SOBP: variants seen among roughly 807,000 people sequenced by gnomAD.
The protein encoded by SOBP is sine oculis binding protein homolog.
SOBP carries 4 observed loss-of-function variants against 53.6 expected under a neutral mutation model. The observed-to-expected ratio is 0.07, with a 90% CI of 0.04 to 0.17. SOBP has a LOEUF of 0.17. Ranked by LOEUF, SOBP falls within the 10% of genes least tolerant of loss-of-function variation. The pLI is 1.00. For missense variants in SOBP, 1,088 were observed against 1,204.7 expected, an observed-to-expected ratio of 0.90 and a Z score of 1.43; for synonymous variants, 584 against 522.6, an observed-to-expected ratio of 1.12 and a Z score of -1.60.
At chr6:107,605,054 C>T (rs1786321644) in intron 5 of SOBP, among the ~76,000 whole-genome samples, 1 of 152,174 alleles carries the variant, frequency 6.6e-6, no homozygotes, top group Admixed American at 6.5e-5. Context: ...CTTCCTCCTC[C>T]CCCCTCCACT....
intron 5 of SOBP, among the ~76,000 whole-genome samples, chr6:107,623,374 C>T (rs182901033): frequency 3.9e-4 from 59 of 152,260 alleles, no homozygotes; most frequent in African/African-American, 1.4e-3. Flanking sequence ...GTATTTAGAG[C>T]AAGTCATGTA....
intron 3 of SOBP, among the ~76,000 whole-genome samples, chr6:107,520,999 G>A (rs1459686502): frequency 6.7e-6 from 1 of 149,908 alleles, no homozygotes; most frequent in Non-Finnish European, 1.5e-5. Flanking sequence ...GGGCTGTCCT[G>A]TGCATTGTAG....
chr6:107,633,796 G>C lies in SOBP; in HGVS notation c.952G>C (p.Ala318Pro). 6.2e-7 allele frequency: 1 copy of C among 1,614,160 alleles called. No homozygotes were observed. The highest frequency in any genetic ancestry group is 1.6e-4 in the Middle Eastern group (1 of 6,062). Reference sequence around the variant, plus strand: ...GAAGGCCCCCTCCCCGGTGGCTACAGCTGGCCAAAGCCAGGGCCCTGGCCC... The same window carrying C: ...GAAGGCCCCCTCCCCGGTGGCTACACCTGGCCAAAGCCAGGGCCCTGGCCC... ...RRKAPSPVAT[A>P]GQSQGPGPSA... Residue 318 changes from alanine to proline, a missense_variant, in exon 6 of 7, where the codon GCT becomes CCT. By Grantham distance (27) the Ala-to-Pro change is conservative. Coordinates refer to ENST00000317357, the MANE Select transcript of SOBP (RefSeq NM_018013.4).
intron 3 of SOBP, among the ~76,000 whole-genome samples, chr6:107,515,308 G>A (rs1408179257): frequency 2.6e-5 from 4 of 151,650 alleles, no homozygotes; most frequent in Non-Finnish European, 5.9e-5. Flanking sequence ...ACAAAGAAAA[G>A]AAGTTGGAGA....
chr6:107,658,081 C>T (rs571317830), intron 6 of SOBP, 126 bp from the exon 7 acceptor site: 3 of 153,002 alleles, frequency 2.0e-5, no homozygotes, highest in African/African-American at 7.2e-5. Flanking sequence ...TGGGGCTCAT[C>T]CTAGGTCTGC....
chr6:107,495,641 CT>C (rs1244477908), intron 1 of SOBP, among the ~76,000 whole-genome samples: 1 of 151,940 alleles, frequency 6.6e-6, no homozygotes, highest in Admixed American at 6.6e-5. Context: ...GAAAGACAGA[CT>C]TATAGAAACC....
At chr6:107,554,941 A>G (rs1177490719) in intron 4 of SOBP, among the ~76,000 whole-genome samples, 2 of 152,236 alleles carry the variant, frequency 1.3e-5, no homozygotes, top group Non-Finnish European at 2.9e-5. Context: ...CAAGTACAGC[A>G]GCATCCTTGT....
intron 1 of SOBP, among the ~76,000 whole-genome samples, chr6:107,491,349 C>G (rs1782576635): frequency 6.6e-6 from 1 of 152,216 alleles, no homozygotes; most frequent in Non-Finnish European, 1.5e-5. Context: ...CACTTCCCAG[C>G]CAAGCAGACC....
At chr6:107,570,225 C>A (rs1406357961) in intron 4 of SOBP, among the ~76,000 whole-genome samples, 1 of 152,136 alleles carries the variant, frequency 6.6e-6, no homozygotes, top group Admixed American at 6.5e-5. Context: ...TTGGTCTGGT[C>A]TTTGTGGGTA....
intron 4 of SOBP, chr6:107,558,035 A>G (rs1454369415): frequency 6.6e-6 from 1 of 152,158 alleles, no homozygotes; most frequent in Non-Finnish European, 1.5e-5. Flanking sequence ...ATTAATCCTG[A>G]CATGCTTCTG....
chr6:107,654,771 G>A (rs56013153), intron 6 of SOBP, among the ~76,000 whole-genome samples: 2,117 of 77,882 alleles, frequency 0.027, 4 homozygotes, highest in African/African-American at 0.09. Context: ...GGAGGAATCA[G>A]GGCTCTGAGG....
rs1484501026 is a variant in SOBP at position 107,634,904 on chromosome 6, G to T, written c.2060G>T (p.Arg687Leu). 6 of 1,267,370 alleles carry T rather than the reference G, an allele frequency of 4.7e-6. No individual in the cohort carries two copies. The highest frequency in any genetic ancestry group is 6.0e-6 in the Non-Finnish European group (6 of 996,922). 78.5% of individuals were successfully genotyped at this position (1,267,370 alleles called of 1,614,324 possible). Residue 687 changes from arginine to leucine, a missense_variant, in exon 6 of 7, where the codon CGC becomes CTC. Physicochemically the swap from Arg to Leu is moderately radical, Grantham distance 102. Transcript: ENST00000317357. The surrounding 1 kb of genome is among the most constrained non-coding windows in gnomAD (Gnocchi z 4.5). ...KAEREPSAAE[R>L]RTCGGCRDGH... ...GAGCGCGAGCCGAGCGCCGCGGAGC[G>T]CAGGACCTGCGGCGGCTGCAGGGAC...
Position 107,646,360 on chromosome 6 carries a change from A to G in SOBP, c.*3+10891A>G, listed in dbSNP as rs112726150. On this transcript the variant is annotated intron_variant, in intron 6 of 6. Coordinates refer to ENST00000317357, the MANE Select transcript of SOBP (RefSeq NM_018013.4). ...GACCATTCCAGGATCTAAAGAAGGA[A>G]GATGCTGGCTTGGCTCCAGATGGCC... Among the ~76,000 whole-genome samples the G allele has an allele frequency of 1.0e-3, 159 of 152,360 alleles. 1 individual carries two copies. Among genetic ancestry groups the G allele is most frequent in the Non-Finnish European group, 1.6e-3 (110 of 68,036 alleles).
chr6:107,520,836 C>A (rs1026377464), intron 3 of SOBP, among the ~76,000 whole-genome samples: 1 of 152,152 alleles, frequency 6.6e-6, no homozygotes, highest in Non-Finnish European at 1.5e-5. Flanking sequence ...TAGTGTTTCC[C>A]TCTAAGGCAA....
intron 6 of SOBP, among the ~76,000 whole-genome samples, chr6:107,642,000 T>C (rs1771345496): frequency 6.6e-6 from 1 of 152,274 alleles, no homozygotes; most frequent in Non-Finnish European, 1.5e-5. Flanking sequence ...TAGCACTTTC[T>C]ATGTGGATGG....
At chr6:107,594,899 G>C (rs1467809245) in intron 5 of SOBP, among the ~76,000 whole-genome samples, 1 of 152,232 alleles carries the variant, frequency 6.6e-6, no homozygotes, top group Non-Finnish European at 1.5e-5. Context: ...GCTAGAGCTT[G>C]ACCCACATCT....
At chr6:107,652,223 A>G (rs1176200736) in intron 6 of SOBP, among the ~76,000 whole-genome samples, 1 of 152,226 alleles carries the variant, frequency 6.6e-6, no homozygotes, top group Non-Finnish European at 1.5e-5. Flanking sequence ...GAAAGGATTC[A>G]CTATTCTAGA....
rs1770811964 is a variant in SOBP, at chr6:107,633,559, G to A, written c.715G>A (p.Asp239Asn). 1.2e-6 allele frequency: 2 copies of A among 1,614,124 alleles called. No individual in the cohort carries two copies. The highest frequency in any genetic ancestry group is 1.7e-5 in the Admixed American group (1 of 60,008). Residue 239 changes from aspartate (D) to asparagine (N), a missense_variant, in exon 6 of 7, where the codon GAT (aspartate) becomes AAT (asparagine). This residue lies in a region of SOBP where 55 missense variants were observed against 134.3 expected (regional missense o/e 0.41). Coordinates refer to ENST00000317357, the MANE Select transcript of SOBP (RefSeq NM_018013.4). Reference protein sequence around the residue: ...KHIRHTKEYLDFGDGERRLQF... With the variant: ...KHIRHTKEYLNFGDGERRLQF... ...CATAAGACACACAAAAGAATACCTG[G>A]ATTTTGGGGACGGGGAAAGAAGGCT... is the stretch of plus-strand genomic sequence containing the variant.
chr6:107,574,403 A>G (rs1785164999), intron 4 of SOBP, among the ~76,000 whole-genome samples: 1 of 152,176 alleles, frequency 6.6e-6, no homozygotes. Context: ...CTAGAATCCC[A>G]TGTCCTTGAG....
Sources: gnomAD v4.1 joint callset for allele counts (sites outside exome capture counted in the v4.1 genomes callset) on GRCh38, gnomAD v4.1.1 for gene constraint, gnomAD v4.1.1 regional missense constraint, Gnocchi (gnomAD v3.1) non-coding constraint, MANE v1.5 for transcripts, NCBI Gene and HGNC (gene_info 2026-07-23, HGNC 2026-07-21) for gene names.